Variants in GTF2F2 observed in about 807,000 individuals in gnomAD.
GTF2F2 encodes the protein general transcription factor IIF subunit 2, also known as ATP-dependent helicase GTF2F2.
A neutral mutation model predicts 42.2 loss-of-function variants in GTF2F2; 23 were observed. The observed-to-expected ratio is 0.55, with a 90% CI of 0.39 to 0.77. The LOEUF is 0.77. GTF2F2 is among the 30% of genes least tolerant of loss of function. The pLI is 0.00. For synonymous variants in GTF2F2, 105 were observed against 100.8 expected, an observed-to-expected ratio of 1.04 and a Z score of -0.25; for missense variants, 261 against 287.2, an observed-to-expected ratio of 0.91 and a Z score of 0.66.
chr13:45,233,266 A>T (rs1334821645), intron 5 of GTF2F2, among the ~76,000 whole-genome samples: 2 of 152,320 alleles, frequency 1.3e-5, no homozygotes, highest in East Asian at 3.9e-4. Context: ...ATATAAAAAA[A>T]CAATTTAAAA....
At chr13:45,194,515 T>A (rs1031943507) in intron 4 of GTF2F2, 1 of 1,614,036 alleles carries the variant, frequency 6.2e-7, no homozygotes, top group African/African-American at 1.3e-5. Context: ...CAGGCTGTTG[T>A]GTTTCCCTTC....
chr13:45,219,063 G>A (rs1203580072), intron 5 of GTF2F2, among the ~76,000 whole-genome samples: 2 of 151,906 alleles, frequency 1.3e-5, no homozygotes, highest in Non-Finnish European at 2.9e-5. Context: ...GCTGCTCAAA[G>A]GAAATGACTT....
intron 4 of GTF2F2, among the ~76,000 whole-genome samples, chr13:45,179,047 GAAAGCA>G (rs754367396): frequency 1.1e-4 from 16 of 152,184 alleles, no homozygotes; most frequent in Admixed American, 2.6e-4. Flanking sequence ...TGTTTTCCAA[GAAAGCA>G]AAAGCAAAAG....
chr13:45,165,577 G>A (rs1439069515), intron 4 of GTF2F2, among the ~76,000 whole-genome samples: 2 of 125,512 alleles, frequency 1.6e-5, no homozygotes, highest in African/African-American at 3.8e-5. Flanking sequence ...GCCCCCCCCC[G>A]CCGCCCGCTT....
chr13:45,184,931 C>T (rs1872344787), intron 4 of GTF2F2, among the ~76,000 whole-genome samples: 1 of 152,168 alleles, frequency 6.6e-6, no homozygotes, highest in African/African-American at 2.4e-5. Flanking sequence ...CCCACCTCCG[C>T]CTCCTGAGTA....
At chr13:45,220,735 GCTAGA>G (rs1217102882) in intron 5 of GTF2F2, 2 of 152,134 alleles carry the variant, frequency 1.3e-5, no homozygotes, top group Non-Finnish European at 2.9e-5. Flanking sequence ...GACTGAACGG[GCTAGA>G]CTTGATCTAG....
intron 5 of GTF2F2, among the ~76,000 whole-genome samples, chr13:45,251,181 G>A (rs1007390927): frequency 1.3e-5 from 2 of 152,096 alleles, no homozygotes; most frequent in Non-Finnish European, 2.9e-5. Flanking sequence ...TCAGCAATTT[G>A]ATAGTATATA....
chr13:45,182,443 T>G (rs912401035), intron 4 of GTF2F2, among the ~76,000 whole-genome samples: 1 of 152,110 alleles, frequency 6.6e-6, no homozygotes, highest in Non-Finnish European at 1.5e-5. Context: ...GACTCTAAAA[T>G]AGCGTTCAAG....
chr13:45,143,797 A>C (rs533312859), intron 2 of GTF2F2, among the ~76,000 whole-genome samples: 1 of 152,208 alleles, frequency 6.6e-6, no homozygotes, highest in Non-Finnish European at 1.5e-5. Flanking sequence ...CGAAAAAAGG[A>C]GAGTCCAGTT....
At chr13:45,191,255 A>ATATATATATATATATATATATATATGGC (rs1260872563) in intron 4 of GTF2F2, among the ~76,000 whole-genome samples, 7 of 136,520 alleles carry the variant, frequency 5.1e-5, no homozygotes, top group African/African-American at 8.9e-5. Context: ...ATATATATAT[A>ATATATATATATATATATATATATATGGC]GCCATAATCT....
Position 45,260,923 on chromosome 13 carries a change from C to T in GTF2F2, c.487-6310C>T, listed in dbSNP as rs150123797. ...GCATGCCCCTGTAGTTCCTGGAGTT[C>T]GAGACCAGCCTGGCCAACGTGGTGA... On this transcript the variant is annotated intron_variant, in intron 6 of 7. Transcript: ENST00000340473. 9.1e-3 allele frequency among the ~76,000 whole-genome samples: 1,378 copies of T among 152,096 alleles called. 29 individuals are homozygous for T. The highest frequency in any genetic ancestry group is 0.032 in the African/African-American group (1,313 of 41,498).
chr13:45,175,519 T>C (rs954277038), intron 4 of GTF2F2, among the ~76,000 whole-genome samples: 1 of 152,228 alleles, frequency 6.6e-6, no homozygotes, highest in African/African-American at 2.4e-5. Context: ...ATATATGTTT[T>C]ATGTCCTGTA....
chr13:45,257,706 C>A (rs369925274), intron 6 of GTF2F2, among the ~76,000 whole-genome samples: 1 of 152,054 alleles, frequency 6.6e-6, no homozygotes, highest in South Asian at 2.1e-4. Flanking sequence ...ATAAAACTTA[C>A]ATGTATCTTG....
At chr13:45,140,226 A>G (rs1253052515) in intron 2 of GTF2F2, among the ~76,000 whole-genome samples, 1 of 151,790 alleles carries the variant, frequency 6.6e-6, no homozygotes, top group African/African-American at 2.4e-5. Flanking sequence ...TGTGGGTGTT[A>G]CAGGCATGAA....
chr13:45,252,879 T>G lies in GTF2F2; in HGVS notation c.395T>G (p.Ile132Arg). 1 of 1,455,552 alleles carries G rather than the reference T, an allele frequency of 6.9e-7. No homozygotes were observed. Among genetic ancestry groups the G allele is most frequent in the Non-Finnish European group, 9.2e-7 (1 of 1,081,668 alleles). The allele number at this position is 1,455,552 out of a possible 1,614,324, so 90.2% of individuals were successfully genotyped here. A position where few individuals can be genotyped will look rare whatever the true frequency, so the allele number is the denominator to read the frequency against. The stretch of plus-strand genomic sequence containing the variant: ...CTTATATTTTTTTTCAGATTGCAAA[T>G]AGAAGAGTCTTCCAAACCAGTGAGG... ...ENYMRLKRLQ[I>R]EESSKPVRLS... The change falls in exon 6 of 8, where the codon ATA becomes AGA. Residue 132 changes from isoleucine to arginine, a missense_variant. By Grantham distance (97) the Ile-to-Arg change is moderately conservative (BLOSUM62 -3). Coordinates refer to ENST00000340473, the MANE Select transcript of GTF2F2 (RefSeq NM_004128.3).
intron 4 of GTF2F2, among the ~76,000 whole-genome samples, chr13:45,159,909 C>CTT (rs1300053736): frequency 6.6e-6 from 1 of 152,144 alleles, no homozygotes; most frequent in African/African-American, 2.4e-5. Flanking sequence ...TATATGTGTG[C>CTT]TTATAAGCAT....
intron 7 of GTF2F2, among the ~76,000 whole-genome samples, chr13:45,267,675 C>T (rs944049755): frequency 6.6e-6 from 1 of 152,142 alleles, no homozygotes; most frequent in African/African-American, 2.4e-5. Flanking sequence ...GTTTCCCTAT[C>T]TTCCTCTGAG....
intron 2 of GTF2F2, among the ~76,000 whole-genome samples, chr13:45,140,778 T>C (rs1436730394): frequency 6.6e-6 from 1 of 152,204 alleles, no homozygotes; most frequent in African/African-American, 2.4e-5. Flanking sequence ...TTTACTGAAA[T>C]GGGAGCCACA....
rs774118000 is a variant in GTF2F2, at chr13:45,212,451, C to CTTTCTTTTCT, written c.386+4953_386+4954insTCTTTTCTTT. Among the ~76,000 whole-genome samples, 356 of 71,702 alleles carry CTTTCTTTTCT rather than the reference C, an allele frequency of 5.0e-3. 20 individuals are homozygous for CTTTCTTTTCT. Among genetic ancestry groups the CTTTCTTTTCT allele is most frequent in the Non-Finnish European group, 5.7e-3 (199 of 35,086 alleles). The allele number at this position is 71,702 out of a possible 152,430, so 47.0% of individuals were successfully genotyped here. A position where few individuals can be genotyped will look rare whatever the true frequency, so the allele number is the denominator to read the frequency against. ...TTCTTTCTTTCTTTCTTTCTTGTTTCTTTCTTTCTTTCTTTCTTTCTTTCT... is the reference window on the plus strand; with the variant it reads ...TTCTTTCTTTCTTTCTTTCTTGTTTCTTTCTTTTCTTTTCTTTCTTTCTTTCTTTCTTTCT... On this transcript the variant is annotated intron_variant, in intron 5 of 7. Coordinates refer to ENST00000340473, the MANE Select transcript of GTF2F2 (RefSeq NM_004128.3).
Sources: gnomAD v4.1 joint callset for allele counts (sites outside exome capture counted in the v4.1 genomes callset) on GRCh38, gnomAD v4.1.1 for gene constraint, MANE v1.5 for transcripts, NCBI Gene and HGNC (gene_info 2026-07-23, HGNC 2026-07-21) for gene names.